The following LTBP1 variants were observed in gnomAD, a reference collection of about 807,000 sequenced individuals.
The protein encoded by LTBP1 is latent-transforming growth factor beta-binding protein 1.
In LTBP1, 129 loss-of-function variants were observed where a neutral mutation model predicts 207.6. The ratio of observed to expected loss-of-function variants is 0.62; its 90% CI spans 0.54 to 0.72. LTBP1 has a LOEUF of 0.72. Among genes scored for constraint, LTBP1 ranks in the 30% least tolerant of loss-of-function variants. LTBP1 has a pLI of 0.00. For missense variants in LTBP1, 2,281 were observed against 2,217.2 expected (o/e 1.03, Z -0.58); for synonymous variants, 963 against 833.7 (o/e 1.16, Z -2.67).
chr2:33,164,186 T>C (rs1490070797), intron 5 of LTBP1, among the ~76,000 whole-genome samples: 1 of 151,050 alleles, frequency 6.6e-6, no homozygotes, highest in Non-Finnish European at 1.5e-5. Context: ...CCGTCTCTAC[T>C]AAAAATACAA....
At chr2:33,170,286 G>A (rs972669825) in intron 5 of LTBP1, among the ~76,000 whole-genome samples, 39 of 152,136 alleles carry the variant, frequency 2.6e-4, no homozygotes, top group Non-Finnish European at 5.0e-4. Flanking sequence ...CTGGAAAATC[G>A]GGTCACTCCC....
intron 2 of LTBP1, among the ~76,000 whole-genome samples, chr2:33,019,033 A>G (rs577792665): frequency 7.2e-5 from 11 of 152,302 alleles, no homozygotes; most frequent in African/African-American, 2.4e-4. Flanking sequence ...TAGAAAATCA[A>G]TAGGTTTTGA....
chr2:33,397,598 C>T (rs1465728745), intron 33 of LTBP1, among the ~76,000 whole-genome samples: 1 of 149,050 alleles, frequency 6.7e-6, no homozygotes, highest in Admixed American at 6.7e-5. Flanking sequence ...ACTTCTGCCT[C>T]CCAGGTTCAA....
intron 5 of LTBP1, among the ~76,000 whole-genome samples, chr2:33,140,410 G>A (rs1210402680): frequency 2.6e-5 from 4 of 152,112 alleles, no homozygotes; most frequent in African/African-American, 4.8e-5. Context: ...AAATGCCATC[G>A]TGTCTCCCTT....
chr2:33,277,475 A>G (rs945347573), intron 18 of LTBP1, among the ~76,000 whole-genome samples: 2 of 152,184 alleles, frequency 1.3e-5, no homozygotes, highest in African/African-American at 2.4e-5. Context: ...GTAGTACATC[A>G]TCTGTAAAAT....
chr2:33,363,384 C>G lies in LTBP1; in HGVS notation c.4271-6C>G, dbSNP rs1327249870. The G allele has an allele frequency of 1.2e-6, 2 of 1,612,834 alleles. No homozygotes were observed. Among genetic ancestry groups the G allele is most frequent in the African/African-American group, 2.7e-5 (2 of 74,828 alleles). On this transcript the variant is annotated splice_polypyrimidine_tract_variant and splice_region_variant and intron_variant, in intron 28 of 33. Transcript: ENST00000404816. ...TTTTTGTATTTCTCAATTTTTTTCCCCGTAGATGCAGATGAATGCCTACTT... is the reference window on the plus strand; with the variant it reads ...TTTTTGTATTTCTCAATTTTTTTCCGCGTAGATGCAGATGAATGCCTACTT...
Position 33,134,495 on chromosome 2 carries a change from G to T in LTBP1, c.1034-298G>T. ...CTCTTTGTCTGCCCGTGAATAAAGTGCAGCATTGTGGTTAGTAATCCCACT... is the reference window on the plus strand; with the variant it reads ...CTCTTTGTCTGCCCGTGAATAAAGTTCAGCATTGTGGTTAGTAATCCCACT... On this transcript the variant is annotated intron_variant, in intron 4 of 33. Transcript: ENST00000404816. This position sits in a 1 kb window ranked among gnomAD's most constrained non-coding sequence, Gnocchi z 4.4. 7.7e-7 allele frequency: 1 copy of T among 1,303,752 alleles called. No homozygotes were observed. Among genetic ancestry groups the T allele is most frequent in the Non-Finnish European group, 1.1e-6 (1 of 947,832 alleles). The allele number at this position is 1,303,752 out of a possible 1,614,324, so 80.8% of individuals were successfully genotyped here. A position where few individuals can be genotyped will look rare whatever the true frequency, so the allele number is the denominator to read the frequency against.
Position 33,363,408 on chromosome 2 carries a change from T to C in LTBP1, c.4289T>C (p.Leu1430Pro). 1 of 1,613,802 alleles carries C rather than the reference T, an allele frequency of 6.2e-7. No individual in the cohort carries two copies. The highest frequency in any genetic ancestry group is 8.5e-7 in the Non-Finnish European group (1 of 1,179,726). Reference sequence around the variant, plus strand: ...CCCGTAGATGCAGATGAATGCCTACTTTTTGGACAAGAAATCTGCAAAAAT... The same window carrying C: ...CCCGTAGATGCAGATGAATGCCTACCTTTTGGACAAGAAATCTGCAAAAAT... Reference protein sequence around the residue: ...ENYKDADECLLFGQEICKNGF... With the variant: ...ENYKDADECLPFGQEICKNGF... The change falls in exon 29 of 34, where the codon CTT (leucine) becomes CCT (proline). Residue 1430 changes from leucine to proline, a missense_variant. Coordinates refer to ENST00000404816, the MANE Select transcript of LTBP1 (RefSeq NM_206943.4).
chr2:33,017,574 G>A (rs1290337039), intron 2 of LTBP1, among the ~76,000 whole-genome samples: 1 of 152,168 alleles, frequency 6.6e-6, no homozygotes, highest in African/African-American at 2.4e-5. Flanking sequence ...TGTAGGAAAA[G>A]GGGCTTGATA....
chr2:33,120,255 G>A (rs767645486), intron 4 of LTBP1, among the ~76,000 whole-genome samples: 28 of 152,188 alleles, frequency 1.8e-4, no homozygotes, highest in South Asian at 1.2e-3. Context: ...CACGTGTCAC[G>A]GGGTTTCGTT....
At chr2:32,984,738 T>C (rs1043611945) in intron 2 of LTBP1, among the ~76,000 whole-genome samples, 5 of 149,012 alleles carry the variant, frequency 3.4e-5, no homozygotes, top group Non-Finnish European at 7.4e-5. Flanking sequence ...CTGGCCAACA[T>C]GGTGAAACCC....
At position 33,110,719 on chromosome 2, in the gene LTBP1, A is replaced by G. The variant is rs752321964; in HGVS notation, c.1001A>G (p.Tyr334Cys). Residue 334 changes from tyrosine (Y) to cysteine (C), a missense_variant, in exon 4 of 34, where the codon TAT (tyrosine) becomes TGT (cysteine). Physicochemically the swap from Tyr to Cys is radical, Grantham distance 194 (BLOSUM62 -2). This residue lies in a region of LTBP1 where 555 missense variants were observed against 491.0 expected (regional missense o/e 1.13). Coordinates refer to ENST00000404816, the MANE Select transcript of LTBP1 (RefSeq NM_206943.4). ...ACTGAAGGTTCTTTCCCTTTAAGAT[A>G]TGTGCAGGATCAAGTTGCGGCACCT... ...QSTEGSFPLR[Y>C]VQDQVAAPFQ... The G allele has an allele frequency of 7.4e-6, 12 of 1,614,012 alleles. No individual in the cohort carries two copies.
At chr2:33,151,193 A>G (rs1353276409) in intron 5 of LTBP1, among the ~76,000 whole-genome samples, 1 of 152,184 alleles carries the variant, frequency 6.6e-6, no homozygotes, top group East Asian at 1.9e-4. Flanking sequence ...GCTATTGAAA[A>G]TAATGTTGCT....
chr2:33,072,708 C>T (rs1031588237), intron 3 of LTBP1, among the ~76,000 whole-genome samples: 6 of 152,130 alleles, frequency 3.9e-5, no homozygotes, highest in Admixed American at 3.3e-4. Context: ...AGTTACGAGC[C>T]AGAAACCATG....
intron 31 of LTBP1, among the ~76,000 whole-genome samples, chr2:33,366,744 T>C (rs1322831571): frequency 6.6e-6 from 1 of 152,162 alleles, no homozygotes; most frequent in East Asian, 1.9e-4. Context: ...AGGATGTAGG[T>C]AGAGCAGGGG....
chr2:33,192,414 C>T (rs1006557630), intron 7 of LTBP1, among the ~76,000 whole-genome samples: 1 of 151,862 alleles, frequency 6.6e-6, no homozygotes, highest in Non-Finnish European at 1.5e-5. Context: ...AGACTTAACC[C>T]CAAGTTTACA....
intron 5 of LTBP1, among the ~76,000 whole-genome samples, chr2:33,153,909 T>G (rs112024435): frequency 1.1e-4 from 16 of 152,280 alleles, no homozygotes; most frequent in African/African-American, 3.4e-4. Flanking sequence ...TTTAGGAAAC[T>G]GGGGGGTGGA....
intron 31 of LTBP1, among the ~76,000 whole-genome samples, chr2:33,369,468 A>G (rs1393320279): frequency 1.3e-5 from 2 of 152,236 alleles, no homozygotes; most frequent in East Asian, 1.9e-4. Flanking sequence ...GGCCCCTGTG[A>G]AGGACCCCAG....
intron 5 of LTBP1, among the ~76,000 whole-genome samples, chr2:33,158,946 C>T (rs2148050842): frequency 6.6e-6 from 1 of 152,276 alleles, no homozygotes; most frequent in East Asian, 1.9e-4. Context: ...CAGTCCAGCA[C>T]AGTATAACCA....
Sources: gnomAD v4.1 joint callset for allele counts (sites outside exome capture counted in the v4.1 genomes callset) on GRCh38, gnomAD v4.1.1 for gene constraint, gnomAD v4.1.1 regional missense constraint, Gnocchi (gnomAD v3.1) non-coding constraint, MANE v1.5 for transcripts, NCBI Gene and HGNC (gene_info 2026-07-23, HGNC 2026-07-21) for gene names.